R3HDML: variants seen among roughly 807,000 people sequenced by gnomAD.
R3HDML encodes peptidase inhibitor R3HDML.
A neutral mutation model predicts 24.2 loss-of-function variants in R3HDML; 21 were observed. The observed-to-expected ratio is 0.87, with a 90% CI of 0.62 to 1.25. The LOEUF is 1.25. Ranked by LOEUF, R3HDML falls within the 50% of genes most tolerant of loss-of-function variation. The pLI is 0.00. For synonymous variants in R3HDML, 133 were observed against 131.5 expected (o/e 1.01, Z -0.08); for missense variants, 301 against 340.3 (o/e 0.88, Z 0.91).
chr20:44,339,577 A>ATGTGTGTGTGTGTGTGTGTGTGTG (rs1037269097), intron 1 of R3HDML, among the ~76,000 whole-genome samples: 4 of 108,558 alleles, frequency 3.7e-5, no homozygotes, highest in African/African-American at 1.4e-4. Flanking sequence ...TTGCCTATAT[A>ATGTGTGTGTGTGTGTGTGTGTGTG]TATGTGTGTG....
intron 2 of R3HDML, among the ~76,000 whole-genome samples, chr20:44,341,890 T>C (rs1486730924): frequency 6.6e-6 from 1 of 151,784 alleles, no homozygotes; most frequent in African/African-American, 2.4e-5. Flanking sequence ...GTCTCAAAAA[T>C]AATAATGTCA....
chr20:44,349,838 G>T (rs2062803504), intron 4 of R3HDML, among the ~76,000 whole-genome samples: 1 of 152,176 alleles, frequency 6.6e-6, no homozygotes. Flanking sequence ...GGGAGGCCAA[G>T]GTGGGCAGAT....
rs779853113 is a variant in R3HDML at position 44,343,457 on chromosome 20, AC to A, written c.464del (p.Pro155HisfsTer91). Reference protein sequence around the residue: ...HYLFPAPRDCNPHCPWRCDGP... With the variant: ...HYLFPAPRDCXPHCPWRCDGP... ...TTGTTTCCGGCCCCAAGGGACTGTA[AC>A]CCACACTGCCCCTGGCGCTGCGATG... On this transcript the variant is annotated frameshift_variant, in exon 3 of 5. Transcript: ENST00000217043. LOFTEE classifies it high-confidence loss of function. 1.6e-5 allele frequency: 25 copies of A among 1,612,720 alleles called. No homozygotes were observed. The highest frequency in any genetic ancestry group is 5.3e-5 in the African/African-American group (4 of 74,840).
rs368254287 is a variant in R3HDML at position 44,350,675 on chromosome 20, C to T, written c.645C>T (p.Gly215=). The T allele has an allele frequency of 1.4e-4, 233 of 1,613,426 alleles. 6 individuals are homozygous for T. In the South Asian group the frequency reaches 2.2e-3, roughly 15 times the overall value. ...TCTCTTCCAGGGGCAACTGGATTGGCGAGTCCCCGTACAAGATGGGAAAGC... is the reference window on the plus strand; with the variant it reads ...TCTCTTCCAGGGGCAACTGGATTGGTGAGTCCCCGTACAAGATGGGAAAGC... ...CNYAIKGNWI[G]ESPYKMGKPC... The change falls in exon 5 of 5, where the codon GGC becomes GGT. Residue 215 remains glycine, a synonymous_variant. Transcript: ENST00000217043.
chr20:44,344,034 G>C (rs905335733), intron 3 of R3HDML, among the ~76,000 whole-genome samples: 3 of 152,150 alleles, frequency 2.0e-5, no homozygotes, highest in South Asian at 2.1e-4. Context: ...TGTAATCCCA[G>C]CACTTTGGGA....
chr20:44,346,317 T>C (rs962520654), intron 4 of R3HDML, among the ~76,000 whole-genome samples: 3 of 152,070 alleles, frequency 2.0e-5, no homozygotes, highest in African/African-American at 7.3e-5. Flanking sequence ...TCTCACTATG[T>C]TGCCCAGGCT....
At chr20:44,350,482 G>A (rs896636219) in intron 4 of R3HDML, 178 bp from the exon 5 acceptor site, 23 of 507,752 alleles carry the variant, frequency 4.5e-5, no homozygotes, top group Non-Finnish European at 6.9e-5. Context: ...GGGTGACAGA[G>A]CAAAACAAAA....
At position 44,350,774 on chromosome 20, in the gene R3HDML, C is replaced by G. The variant is rs758270735; in HGVS notation, c.744C>G (p.Asn248Lys). 12 of 1,613,992 alleles carry G rather than the reference C, an allele frequency of 7.4e-6. No homozygotes were observed. The South Asian group carries it at 8.8e-5, about 12-fold the overall frequency. ...SNMCFKGLKS[N>K]KFTWF Reference sequence around the variant, plus strand: ...TGTGCTTCAAGGGGCTGAAATCCAACAAGTTCACGTGGTTCTGAATTTTCT... The same window carrying G: ...TGTGCTTCAAGGGGCTGAAATCCAAGAAGTTCACGTGGTTCTGAATTTTCT... Residue 248 changes from asparagine to lysine, a missense_variant, in exon 5 of 5, where the codon AAC becomes AAG. Asn to Lys is a moderately conservative substitution (Grantham distance 94). Transcript: ENST00000217043.
chr20:44,344,650 G>A (rs1031525390), intron 3 of R3HDML, among the ~76,000 whole-genome samples: 1 of 151,556 alleles, frequency 6.6e-6, no homozygotes, highest in African/African-American at 2.4e-5. Context: ...AGGTATGCTG[G>A]TGGTTGCCTG....
At chr20:44,343,230 G>T in intron 2 of R3HDML, 147 bp from the exon 3 acceptor site, 1 of 932,308 alleles carries the variant, frequency 1.1e-6, no homozygotes, top group South Asian at 1.6e-5. Flanking sequence ...TGCCTGTGAG[G>T]CAGGGCCACT....
Position 44,345,339 on chromosome 20 carries a change from G to A in R3HDML, c.590G>A (p.Trp197Ter). ...CSSISVWGNT[W>*]HRAAYLVCNY... ...AGCATCAGTGTCTGGGGCAACACCT[G>A]GCATCGGGCGGCATACCTGGTCTGC... Residue 197 changes from tryptophan (W) to a stop codon, truncating the protein, a stop_gained, in exon 4 of 5, where the codon TGG (tryptophan) becomes TAG (stop). Coordinates refer to ENST00000217043, the MANE Select transcript of R3HDML (RefSeq NM_178491.4). LOFTEE classifies it low-confidence loss of function (END_TRUNC). The A allele has an allele frequency of 6.2e-7, 1 of 1,614,056 alleles. No homozygotes were observed. The highest frequency in any genetic ancestry group is 1.1e-5 in the South Asian group (1 of 91,034).
chr20:44,343,406 C>T lies in R3HDML; in HGVS notation c.410C>T (p.Ser137Phe), dbSNP rs1296403307. 1.2e-6 allele frequency: 2 copies of T among 1,612,828 alleles called. No individual in the cohort carries two copies. Among genetic ancestry groups the T allele is most frequent in the Non-Finnish European group, 1.7e-6 (2 of 1,179,484 alleles). The change falls in exon 3 of 5, where the codon TCC (serine) becomes TTC (phenylalanine). Residue 137 changes from serine (S) to phenylalanine (F), a missense_variant. Transcript: ENST00000217043. Reference sequence around the variant, plus strand: ...CGGTCCGTAGTGGATCTCATGAAGTCCTGGTCTGAGGAGAAGTGGCATTAC... The same window carrying T: ...CGGTCCGTAGTGGATCTCATGAAGTTCTGGTCTGAGGAGAAGTGGCATTAC... ...QYRSVVDLMK[S>F]WSEEKWHYLF...
chr20:44,345,785 C>CA (rs955702508), intron 4 of R3HDML, among the ~76,000 whole-genome samples: 1 of 149,746 alleles, frequency 6.7e-6, no homozygotes, highest in African/African-American at 2.4e-5. Context: ...GAAACTGTCT[C>CA]AAAAAAAAAG....
chr20:44,343,432 T>G lies in R3HDML; in HGVS notation c.436T>G (p.Leu146Val), dbSNP rs367984109. Residue 146 changes from leucine (L) to valine (V), a missense_variant, in exon 3 of 5, where the codon TTG (leucine) becomes GTG (valine). Transcript: ENST00000217043. ...KSWSEEKWHYLFPAPRDCNPH... is the reference protein window; with the variant it reads ...KSWSEEKWHYVFPAPRDCNPH... ...CTGGTCTGAGGAGAAGTGGCATTAC[T>G]TGTTTCCGGCCCCAAGGGACTGTAA... 2 of 1,613,172 alleles carry G rather than the reference T, an allele frequency of 1.2e-6. No homozygotes were observed. Among genetic ancestry groups the G allele is most frequent in the African/African-American group, 2.7e-5 (2 of 74,902 alleles).
chr20:44,339,022 G>A (rs554744297), intron 1 of R3HDML, among the ~76,000 whole-genome samples: 14 of 147,272 alleles, frequency 9.5e-5, no homozygotes, highest in African/African-American at 2.0e-4. Context: ...GCAGTGAGCC[G>A]AGATCCAGCC....
chr20:44,339,801 C>T (rs562982805), intron 1 of R3HDML, among the ~76,000 whole-genome samples: 6 of 151,976 alleles, frequency 3.9e-5, no homozygotes, highest in Non-Finnish European at 8.8e-5. Context: ...GTTGTTGACA[C>T]GGAATCTCCC....
intron 1 of R3HDML, among the ~76,000 whole-genome samples, chr20:44,338,479 G>A (rs1367237886): frequency 3.3e-5 from 5 of 152,144 alleles, no homozygotes; most frequent in South Asian, 2.1e-4. Flanking sequence ...AATAAGAGCC[G>A]GGATGGCAGG....
intron 4 of R3HDML, among the ~76,000 whole-genome samples, chr20:44,346,523 A>C (rs1000646766): frequency 6.6e-6 from 1 of 152,226 alleles, no homozygotes; most frequent in Non-Finnish European, 1.5e-5. Flanking sequence ...TGTGGCTTAC[A>C]TCTGCCAATA....
At chr20:44,350,081 A>C (rs2062804623) in intron 4 of R3HDML, among the ~76,000 whole-genome samples, 1 of 152,060 alleles carries the variant, frequency 6.6e-6, no homozygotes, top group African/African-American at 2.4e-5. Context: ...GAACAAAACA[A>C]ACAAAAAGAA....
Sources: allele counts gnomAD v4.1 joint callset (sites outside exome capture counted in the v4.1 genomes callset), GRCh38; gene constraint gnomAD v4.1.1; transcripts MANE v1.5; gene names NCBI Gene and HGNC (gene_info 2026-07-23, HGNC 2026-07-21).